Variants in RABL3 observed in about 807,000 individuals in gnomAD.
The protein encoded by RABL3 is RAB, member of RAS oncogene family like 3.
In RABL3, 31 loss-of-function variants were observed where a neutral mutation model predicts 31.8. The observed-to-expected ratio is 0.97, with a 90% confidence interval of 0.73 to 1.31. The LOEUF (loss-of-function observed/expected upper bound fraction) is 1.31, where lower values mean the gene tolerates loss of function less well. Among genes scored for constraint, RABL3 ranks in the 40% most tolerant of loss-of-function variants. The pLI is 0.00. For missense variants in RABL3, 263 were observed against 279.6 expected (o/e 0.94, Z 0.42); for synonymous variants, 97 against 99.9 (o/e 0.97, Z 0.18).
intron 2 of RABL3, among the ~76,000 whole-genome samples, chr3:120,727,353 T>A (rs1037822261): frequency 3.9e-5 from 6 of 151,966 alleles, no homozygotes; most frequent in Non-Finnish European, 8.8e-5. Flanking sequence ...ACGGAAAAAA[T>A]TTTTTTGTGT....
intron 2 of RABL3, among the ~76,000 whole-genome samples, chr3:120,726,253 A>C (rs985030723): frequency 2.0e-4 from 30 of 152,240 alleles, no homozygotes; most frequent in Admixed American, 3.9e-4. Context: ...GAGAACATAT[A>C]AGCCTTTTGA....
chr3:120,734,019 G>A (rs1292822145), intron 1 of RABL3, among the ~76,000 whole-genome samples: 1 of 152,144 alleles, frequency 6.6e-6, no homozygotes, highest in Non-Finnish European at 1.5e-5. Flanking sequence ...GCTTAGGATT[G>A]TCTTCGAAAT....
chr3:120,736,395 G>A (rs887512390), intron 1 of RABL3, among the ~76,000 whole-genome samples: 1 of 151,992 alleles, frequency 6.6e-6, no homozygotes, highest in East Asian at 1.9e-4. Context: ...CCATTTGCTT[G>A]GTAGATCTTC....
intron 2 of RABL3, chr3:120,722,593 C>T (rs1576342719): frequency 6.6e-6 from 1 of 152,266 alleles, no homozygotes; most frequent in South Asian, 2.1e-4. Context: ...CTTTCTAACA[C>T]TTACAACAAA....
chr3:120,740,836 G>C (rs971187155), intron 1 of RABL3, among the ~76,000 whole-genome samples: 1 of 152,188 alleles, frequency 6.6e-6, no homozygotes, highest in African/African-American at 2.4e-5. Context: ...TCACAGCTGT[G>C]TCTTCTGCTT....
intron 6 of RABL3, among the ~76,000 whole-genome samples, chr3:120,692,783 C>T (rs1708395706): frequency 6.6e-6 from 1 of 152,110 alleles, no homozygotes; most frequent in Non-Finnish European, 1.5e-5. Context: ...CCCAGTTTCT[C>T]TAGGATGTAA....
At chr3:120,739,593 C>T (rs937244532) in intron 1 of RABL3, among the ~76,000 whole-genome samples, 4 of 151,812 alleles carry the variant, frequency 2.6e-5, no homozygotes, top group Admixed American at 6.6e-5. Context: ...AATCATTTTA[C>T]GTATGTGTAA....
chr3:120,703,087 T>C (rs1708512125), intron 4 of RABL3, among the ~76,000 whole-genome samples: 1 of 152,180 alleles, frequency 6.6e-6, no homozygotes, highest in Non-Finnish European at 1.5e-5. Context: ...ATGAAGTAGT[T>C]CGTGAATGCT....
chr3:120,738,827 TGA>T (rs1162534094), intron 1 of RABL3, among the ~76,000 whole-genome samples: 3 of 152,210 alleles, frequency 2.0e-5, no homozygotes, highest in Non-Finnish European at 2.9e-5. Context: ...TAGGGTGTTT[TGA>T]AATTTTTGAT....
At chr3:120,702,768 A>G (rs1708507492) in intron 4 of RABL3, among the ~76,000 whole-genome samples, 2 of 152,084 alleles carry the variant, frequency 1.3e-5, no homozygotes, top group African/African-American at 2.4e-5. Context: ...CATGTTAGCC[A>G]GGATGGTCTC....
chr3:120,720,112 G>A (rs999666403), intron 2 of RABL3, among the ~76,000 whole-genome samples: 17 of 152,222 alleles, frequency 1.1e-4, no homozygotes, highest in Non-Finnish European at 1.5e-5. Context: ...CAACAGATCT[G>A]CAGCTGAGGG....
At chr3:120,728,285 T>C (rs1330341870) in intron 2 of RABL3, among the ~76,000 whole-genome samples, 4 of 152,188 alleles carry the variant, frequency 2.6e-5, no homozygotes, top group African/African-American at 9.6e-5. Context: ...CCTACAAACC[T>C]GTAGACTCAA....
chr3:120,690,375 T>C (rs892624781), intron 7 of RABL3, 74 bp downstream of exon 7: 4 of 1,109,252 alleles, frequency 3.6e-6, no homozygotes, highest in African/African-American at 3.1e-5. Flanking sequence ...TTTTTAAAAC[T>C]ACTTCTGAAC....
At chr3:120,726,500 C>T (rs375010921) in intron 2 of RABL3, among the ~76,000 whole-genome samples, 24 of 152,150 alleles carry the variant, frequency 1.6e-4, no homozygotes, top group African/African-American at 5.8e-4. Flanking sequence ...GTGGCTCATG[C>T]CTGTAATCCC....
chr3:120,690,607 T>A, intron 6 of RABL3, 120 bp from the exon 7 acceptor site: 1 of 667,290 alleles, frequency 1.5e-6, no homozygotes, highest in Non-Finnish European at 2.7e-6. Context: ...TCCATAGCAG[T>A]AGACATGTAG....
intron 2 of RABL3, among the ~76,000 whole-genome samples, chr3:120,721,299 A>C (rs756647662): frequency 6.6e-6 from 1 of 152,244 alleles, no homozygotes; most frequent in Non-Finnish European, 1.5e-5. Context: ...ATAACCAGCT[A>C]ACATTATAAT....
rs1408098313 is a variant in RABL3 at position 120,694,893 on chromosome 3, A to T, written c.535-669T>A. ...GCCCAGAAGGGACAAAACGATCTGG[A>T]ACATTAATCATTACAATAACTTTAA... On this transcript the variant is annotated intron_variant, in intron 5 of 7. Transcript: ENST00000273375. Among the ~76,000 whole-genome samples, 6 of 152,052 alleles carry T rather than the reference A, an allele frequency of 3.9e-5. No homozygotes were observed. The East Asian group carries it at 1.2e-3, about 29-fold the overall frequency.
intron 2 of RABL3, among the ~76,000 whole-genome samples, chr3:120,721,052 T>G (rs891837310): frequency 6.6e-6 from 1 of 152,196 alleles, no homozygotes; most frequent in Non-Finnish European, 1.5e-5. Flanking sequence ...AAGAAAAGAA[T>G]TTTCAACCCA....
At chr3:120,716,478 T>C (rs936403183) in intron 2 of RABL3, among the ~76,000 whole-genome samples, 1 of 152,198 alleles carries the variant, frequency 6.6e-6, no homozygotes, top group Admixed American at 6.5e-5. Context: ...ACTGCTATCA[T>C]CTCTATTTTT....
Sources: gnomAD v4.1 joint callset for allele counts (sites outside exome capture counted in the v4.1 genomes callset) on GRCh38, gnomAD v4.1.1 for gene constraint, MANE v1.5 for transcripts, NCBI Gene and HGNC (gene_info 2026-07-23, HGNC 2026-07-21) for gene names.